Variants in DENND2B observed in about 807,000 individuals in gnomAD.
DENND2B encodes the protein DENN domain containing 2B, also known as DENN domain-containing protein 2B.
Under a neutral mutation model 116.0 loss-of-function variants are expected in DENND2B, and 32 were observed. The ratio of observed to expected loss-of-function variants is 0.28; its 90% CI spans 0.21 to 0.37. The LOEUF is 0.37. Ranked by LOEUF, DENND2B falls within the 10% of genes least tolerant of loss-of-function variation. The probability of loss-of-function intolerance (pLI) is 1.00; values close to 1 mark genes in which losing one functional copy is unlikely to be tolerated. For missense variants in DENND2B, 1,276 were observed against 1,477.7 expected, an observed-to-expected ratio of 0.86 and a Z score of 2.24; for synonymous variants, 588 against 583.9, an observed-to-expected ratio of 1.01 and a Z score of -0.10.
At position 8,730,145 on chromosome 11, in the gene DENND2B, G is replaced by T. The variant is rs200165373; in HGVS notation, c.1145C>A (p.Pro382His). The T allele has an allele frequency of 3.8e-4, 607 of 1,614,096 alleles. 2 individuals are homozygous for T. Among genetic ancestry groups the T allele is most frequent in the Non-Finnish European group, 7.1e-5 (84 of 1,180,042 alleles). ...QRLPSKSSLD[P>H]AVNPVPKPKR... is the part of the protein sequence containing the mutation. Reference sequence around the variant, plus strand: ...GGGTTTGGGGACAGGGTTCACAGCGGGATCGAGGGAACTCTTCGATGGCAG... The same window carrying T: ...GGGTTTGGGGACAGGGTTCACAGCGTGATCGAGGGAACTCTTCGATGGCAG... The change falls in exon 3 of 20, where the codon CCC becomes CAC. Residue 382 changes from proline (P) to histidine (H), a missense_variant. Transcript: ENST00000313726. The surrounding 1 kb of genome is among the most constrained non-coding windows in gnomAD (Gnocchi z 4.1).
intron 1 of DENND2B, among the ~76,000 whole-genome samples, chr11:8,804,983 G>A (rs1430020055): frequency 6.6e-6 from 1 of 152,174 alleles, no homozygotes; most frequent in East Asian, 1.9e-4. Context: ...CATTTACTAT[G>A]TACCAGGCAC....
rs1197645387 is a variant in DENND2B at position 8,708,108 on chromosome 11, C to T, written c.2353-254G>A. On this transcript the variant is annotated intron_variant, in intron 11 of 19. Transcript: ENST00000313726. ...TGCCAGGCTCCACACAGGCTCCACC[C>T]TTCCTCCCAGGAGGACGCTGACGGG... is the stretch of plus-strand genomic sequence containing the variant. The T allele has an allele frequency of 3.5e-6, 5 of 1,417,230 alleles. No homozygotes were observed. In the African/African-American group the frequency reaches 7.2e-5, roughly 20 times the overall value. The allele number at this position is 1,417,230 out of a possible 1,614,324, so 87.8% of individuals were successfully genotyped here.
intron 4 of DENND2B, among the ~76,000 whole-genome samples, chr11:8,723,000 A>C (rs750204329): frequency 6.6e-6 from 1 of 152,058 alleles, no homozygotes; most frequent in African/African-American, 2.4e-5. Flanking sequence ...AGGTGCTCCC[A>C]TATTTTTTTT....
In DENND2B at chr11:8,702,027, A is replaced by G. The variant is rs10769943; in HGVS notation, c.2720+545T>C. ...CTCTCTGCACCTCAGTGCCCCCATC[A>G]CATCCTTCTCCCCAGCCCTCCCATT... On this transcript the variant is annotated intron_variant, in intron 14 of 19. Transcript: ENST00000313726. This position sits in a 1 kb window ranked among gnomAD's most constrained non-coding sequence, Gnocchi z 4.6. 0.56 allele frequency among the ~76,000 whole-genome samples: 85,230 copies of G among 151,508 alleles called. 23,919 individuals carry two copies. Among genetic ancestry groups the G allele is most frequent in the South Asian group, 0.64 (3,063 of 4,792 alleles).
At chr11:8,824,186 G>A (rs983749719) in intron 4 of DENND2B, among the ~76,000 whole-genome samples, 5 of 147,740 alleles carry the variant, frequency 3.4e-5, no homozygotes, top group Admixed American at 7.0e-5. Flanking sequence ...ACAGGCGTGA[G>A]CCACCATGCC....
chr11:8,715,071 T>C (rs2044483514), intron 6 of DENND2B, among the ~76,000 whole-genome samples: 1 of 152,202 alleles, frequency 6.6e-6, no homozygotes, highest in Non-Finnish European at 1.5e-5. Context: ...GAACAAGGAT[T>C]CTAGCCTTTC....
chr11:8,799,561 CTTTTTTTT>C (rs67190732), intron 1 of DENND2B, among the ~76,000 whole-genome samples: 1 of 114,056 alleles, frequency 8.8e-6, no homozygotes, highest in African/African-American at 3.2e-5. Flanking sequence ...TCCTTTTTCT[CTTTTTTTT>C]TTTTTTTTTT....
chr11:8,751,083 T>C (rs1218072179), intron 1 of DENND2B, among the ~76,000 whole-genome samples: 2 of 152,116 alleles, frequency 1.3e-5, no homozygotes, highest in African/African-American at 2.4e-5. Context: ...AGAATCTTTA[T>C]GTCTAGCTAA....
intron 2 of DENND2B, among the ~76,000 whole-genome samples, chr11:8,735,036 A>G (rs968761865): frequency 3.3e-5 from 5 of 151,830 alleles, no homozygotes; most frequent in Non-Finnish European, 7.4e-5. Flanking sequence ...TAAATCAAAT[A>G]TGACCATGAA....
intron 1 of DENND2B, among the ~76,000 whole-genome samples, chr11:8,752,207 C>A (rs2052645929): frequency 6.6e-6 from 1 of 152,190 alleles, no homozygotes; most frequent in Admixed American, 6.5e-5. Flanking sequence ...AATCCCAGCA[C>A]TTTGGGAGGC....
intron 2 of DENND2B, among the ~76,000 whole-genome samples, chr11:8,737,056 A>G (rs1394178917): frequency 6.6e-6 from 1 of 152,214 alleles, no homozygotes; most frequent in East Asian, 1.9e-4. Flanking sequence ...GGCTGGGCCA[A>G]TGCAATTTGC....
chr11:8,712,538 G>A lies in DENND2B; in HGVS notation c.2172+13C>T, dbSNP rs1565680556. 1 of 1,549,274 alleles carries A rather than the reference G, an allele frequency of 6.5e-7. No homozygotes were observed. The highest frequency in any genetic ancestry group is 8.7e-7 in the Non-Finnish European group (1 of 1,145,170). On this transcript the variant is annotated intron_variant, in intron 9 of 19. Transcript: ENST00000313726. This position sits in a 1 kb window ranked among gnomAD's most constrained non-coding sequence, Gnocchi z 4.4. ...GGGGAATATGGGCAAGGTGGGGAGA[G>A]AGAAGGCCTCACCTTGGGAAACTGG...
At position 8,717,755 on chromosome 11, in the gene DENND2B, T is replaced by C; in HGVS notation, c.1615A>G (p.Ser539Gly). 2 of 1,571,480 alleles carry C rather than the reference T, an allele frequency of 1.3e-6. No individual in the cohort carries two copies. The highest frequency in any genetic ancestry group is 8.7e-7 in the Non-Finnish European group (1 of 1,153,062). ...MWSPQDRKYN[S>G]PPTQLSLKPN... The stretch of plus-strand genomic sequence containing the variant: ...GGCTGAGTTACCTGTGTGGGCGGGC[T>C]GTTGTACTTCCTGTCCTGAGGACTC... The change falls in exon 5 of 20, where the codon AGC becomes GGC. Residue 539 changes from serine to glycine, a missense_variant. Transcript: ENST00000313726.
At position 8,762,814 on chromosome 11, in the gene DENND2B, C is replaced by T. The variant is rs555837949; in HGVS notation, c.-25-12089G>A. 3.6e-3 allele frequency among the ~76,000 whole-genome samples: 553 copies of T among 152,278 alleles called. 3 individuals are homozygous for T. Among genetic ancestry groups the T allele is most frequent in the Non-Finnish European group, 5.4e-3 (369 of 68,014 alleles). ...GGCAGAGGTTGCGGTGAGCCAAGAT[C>T]GCGCCATTACACTCCAGCCTGGGCA... On this transcript the variant is annotated intron_variant, in intron 1 of 19. Transcript: ENST00000313726.
chr11:8,887,570 C>T (rs1048336629), intron 1 of DENND2B, among the ~76,000 whole-genome samples: 11 of 152,082 alleles, frequency 7.2e-5, no homozygotes, highest in African/African-American at 2.7e-4. Flanking sequence ...TGCATAAAGT[C>T]TACTCAGCCC....
intron 4 of DENND2B, chr11:8,718,423 C>G: frequency 6.5e-7 from 1 of 1,527,706 alleles, no homozygotes. Flanking sequence ...AGGCCCCCTT[C>G]TCACCTACGA....
chr11:8,852,087 T>G (rs2063028811), intron 3 of DENND2B, among the ~76,000 whole-genome samples: 1 of 152,162 alleles, frequency 6.6e-6, no homozygotes, highest in Admixed American at 6.5e-5. Flanking sequence ...TGCCTGGAGC[T>G]GAGTTTTGAA....
chr11:8,866,202 G>A (rs916102687), intron 2 of DENND2B, among the ~76,000 whole-genome samples: 12 of 152,156 alleles, frequency 7.9e-5, no homozygotes, highest in South Asian at 6.2e-4. Context: ...CTTGTGATCC[G>A]CCTGCCTCGG....
chr11:8,730,531 G>C lies in DENND2B; in HGVS notation c.759C>G (p.Phe253Leu), dbSNP rs761969325. 2 of 1,613,062 alleles carry C rather than the reference G, an allele frequency of 1.2e-6. No individual in the cohort carries two copies. The highest frequency in any genetic ancestry group is 1.7e-6 in the Non-Finnish European group (2 of 1,180,040). The stretch of plus-strand genomic sequence containing the variant: ...GGCCCAGCCGTTTCTCCAGCCGGTA[G>C]AAAGAGTCCCGGACAGGGAGCGCCT... ...EGEALPVRDS[F>L]YRLEKRLGRS... The change falls in exon 3 of 20, where the codon TTC becomes TTG. Residue 253 changes from phenylalanine (F) to leucine (L), a missense_variant. This residue lies in a region of DENND2B where 856 missense variants were observed against 846.6 expected (regional missense o/e 1.01). Coordinates refer to ENST00000313726, the MANE Select transcript of DENND2B (RefSeq NM_213618.2). This position sits in a 1 kb window ranked among gnomAD's most constrained non-coding sequence, Gnocchi z 4.1.
Sources: allele counts gnomAD v4.1 joint callset (sites outside exome capture counted in the v4.1 genomes callset), GRCh38; gene constraint gnomAD v4.1.1; regional missense constraint gnomAD v4.1.1; non-coding constraint Gnocchi (gnomAD v3.1); transcripts MANE v1.5; gene names NCBI Gene and HGNC (gene_info 2026-07-23, HGNC 2026-07-21).